The following IGSF5 variants were observed in gnomAD, a reference collection of about 807,000 sequenced individuals.
IGSF5 encodes immunoglobulin superfamily member 5, also known as immunoglobulin superfamily 5 like.
In IGSF5, 41 loss-of-function variants were observed where a neutral mutation model predicts 39.4. The ratio of observed to expected loss-of-function variants is 1.04; its 90% confidence interval spans 0.81 to 1.35. IGSF5 has a LOEUF of 1.35. Among genes scored for constraint, IGSF5 ranks in the 40% most tolerant of loss-of-function variants. The pLI is 0.00. For synonymous variants in IGSF5, 183 were observed against 175.3 expected, an observed-to-expected ratio of 1.04 and a Z score of -0.34; for missense variants, 487 against 494.6, an observed-to-expected ratio of 0.98 and a Z score of 0.15.
the IGSF5 span, among the ~76,000 whole-genome samples, chr21:39,722,002 CA>C: frequency 4.6e-5 from 7 of 152,202 alleles, no homozygotes; most frequent in Admixed American, 4.6e-4. Context: ...TTGTTGAGTA[CA>C]AAAGCAGCCA....
upstream of IGSF5, among the ~76,000 whole-genome samples, chr21:39,742,120 C>A (rs1286712310): frequency 6.6e-6 from 1 of 151,746 alleles, no homozygotes; most frequent in East Asian, 2.0e-4. Context: ...TATTGTCCTT[C>A]TGTTGCCCAG....
At chr21:39,724,972 A>G in the IGSF5 span, among the ~76,000 whole-genome samples, 8 of 152,226 alleles carry the variant, frequency 5.3e-5, no homozygotes, top group South Asian at 2.1e-4. Flanking sequence ...ATCCTGATAC[A>G]ATACAAAGTA....
intron 5 of IGSF5, among the ~76,000 whole-genome samples, chr21:39,785,920 C>G (rs1341573151): frequency 6.6e-6 from 1 of 152,118 alleles, no homozygotes; most frequent in East Asian, 1.9e-4. Flanking sequence ...AAAGCTGAAA[C>G]TGGATCCCTT....
the IGSF5 span, among the ~76,000 whole-genome samples, chr21:39,737,189 A>T: frequency 3.3e-4 from 50 of 151,678 alleles, no homozygotes; most frequent in African/African-American, 1.2e-3. Context: ...TGTGAAAAAA[A>T]AAAAAACCCC....
chr21:39,769,644 G>T (rs550301376), intron 3 of IGSF5, among the ~76,000 whole-genome samples: 1 of 152,046 alleles, frequency 6.6e-6, no homozygotes, highest in African/African-American at 2.4e-5. Flanking sequence ...CAGACTGAAT[G>T]AAGAGACAGC....
Position 39,771,081 on chromosome 21 carries a change from A to AT in IGSF5, c.584_585insT (p.Leu196ProfsTer51). 1 of 1,613,540 alleles carries AT rather than the reference A, an allele frequency of 6.2e-7. No individual in the cohort carries two copies. The highest frequency in any genetic ancestry group is 1.7e-5 in the Admixed American group (1 of 59,916). On this transcript the variant is annotated frameshift_variant, in exon 4 of 9. Transcript: ENST00000380588. LOFTEE classifies it high-confidence loss of function. ...TATTATTTTGTTCCGGAGCCCAGCG[A>AT]CCTTCAAAGTGCAGTGAGCATCCTG...
At chr21:39,781,570 T>G (rs2080170822) in intron 5 of IGSF5, among the ~76,000 whole-genome samples, 1 of 152,146 alleles carries the variant, frequency 6.6e-6, no homozygotes, top group African/African-American at 2.4e-5. Context: ...CCAGCAAGGT[T>G]GTACAATTTG....
At position 39,793,526 on chromosome 21, in the gene IGSF5, T is replaced by C; in HGVS notation, c.1049-8T>C. The C allele has an allele frequency of 1.2e-6, 2 of 1,611,894 alleles. No individual in the cohort carries two copies. Among genetic ancestry groups the C allele is most frequent in the Non-Finnish European group, 1.7e-6 (2 of 1,178,126 alleles). ...CTTAATGACTCTAAAATTGTTCTTC[T>C]GTTGCAGACACCGCTTCTCTCCCTC... On this transcript the variant is annotated splice_region_variant and splice_polypyrimidine_tract_variant and intron_variant, in intron 7 of 8. Transcript: ENST00000380588.
chr21:39,766,068 C>T (rs2080086109), intron 3 of IGSF5, among the ~76,000 whole-genome samples: 1 of 152,128 alleles, frequency 6.6e-6, no homozygotes, highest in Non-Finnish European at 1.5e-5. Flanking sequence ...TTCCCTTCTC[C>T]CCCTCTCTTC....
At chr21:39,728,619 C>G in the IGSF5 span, among the ~76,000 whole-genome samples, 1 of 152,118 alleles carries the variant, frequency 6.6e-6, no homozygotes, top group Non-Finnish European at 1.5e-5. Flanking sequence ...CTCGTGCTCC[C>G]GGGGTGACCT....
At chr21:39,750,822 C>T (rs937679537) in intron 2 of IGSF5, among the ~76,000 whole-genome samples, 3 of 152,244 alleles carry the variant, frequency 2.0e-5, no homozygotes, top group Admixed American at 6.5e-5. Context: ...AGCCGCTGGG[C>T]CTTTGCTGGA....
upstream of IGSF5, among the ~76,000 whole-genome samples, chr21:39,740,272 G>A (rs1281736597): frequency 2.6e-5 from 4 of 152,148 alleles, no homozygotes; most frequent in African/African-American, 7.2e-5. Context: ...CTGCTTGGCG[G>A]TTCCTTTCTA....
At chr21:39,725,450 A>G in the IGSF5 span, among the ~76,000 whole-genome samples, 224 of 152,344 alleles carry the variant, frequency 1.5e-3, no homozygotes, top group African/African-American at 5.3e-3. Context: ...AGTGGTTATC[A>G]GCATTTGAAA....
intron 4 of IGSF5, among the ~76,000 whole-genome samples, chr21:39,772,961 C>G (rs571365702): frequency 1.3e-5 from 2 of 152,208 alleles, no homozygotes; most frequent in South Asian, 4.2e-4. Context: ...AACCTTTCAC[C>G]TAATACAATT....
At chr21:39,732,121 G>A in the IGSF5 span, among the ~76,000 whole-genome samples, 5 of 152,114 alleles carry the variant, frequency 3.3e-5, no homozygotes, top group Non-Finnish European at 7.4e-5. Flanking sequence ...CTTTGTGAAT[G>A]AGCCACCCTG....
intron 8 of IGSF5, among the ~76,000 whole-genome samples, chr21:39,795,421 T>G (rs1294446972): frequency 2.0e-5 from 3 of 152,182 alleles, no homozygotes; most frequent in East Asian, 3.9e-4. Context: ...CGTGGTTATC[T>G]TTGTCTATCA....
chr21:39,722,932 T>G, the IGSF5 span, among the ~76,000 whole-genome samples: 1 of 152,242 alleles, frequency 6.6e-6, no homozygotes, highest in Admixed American at 6.5e-5. Context: ...ATATGTGTAG[T>G]CCTCACAAAG....
chr21:39,754,562 G>A (rs1343182846), intron 2 of IGSF5, among the ~76,000 whole-genome samples: 1 of 152,198 alleles, frequency 6.6e-6, no homozygotes, highest in Non-Finnish European at 1.5e-5. Context: ...GTGAGTCCTG[G>A]CTGATCTTCT....
At chr21:39,789,947 A>G (rs976694818) in intron 6 of IGSF5, among the ~76,000 whole-genome samples, 2 of 152,320 alleles carry the variant, frequency 1.3e-5, no homozygotes, top group Admixed American at 6.5e-5. Context: ...TTAGATAGAT[A>G]CTTTTAAGTA....
Sources: gnomAD v4.1 joint callset for allele counts (sites outside exome capture counted in the v4.1 genomes callset) on GRCh38, gnomAD v4.1.1 for gene constraint, MANE v1.5 for transcripts, NCBI Gene and HGNC (gene_info 2026-07-23, HGNC 2026-07-21) for gene names.